MAGI2: variants seen among roughly 807,000 people sequenced by gnomAD.
MAGI2 encodes the protein membrane-associated guanylate kinase, WW and PDZ domain-containing protein 2.
Under a neutral mutation model 133.3 loss-of-function variants are expected in MAGI2, and 35 were observed. That is an observed-to-expected ratio of 0.26 (90% CI 0.20 to 0.35). The LOEUF is 0.35. MAGI2 is among the 10% of genes least tolerant of loss of function. MAGI2 has a pLI of 1.00. For synonymous variants in MAGI2, 729 were observed against 710.6 expected (o/e 1.03, Z -0.41); for missense variants, 1,636 against 1,863.4 (o/e 0.88, Z 2.25).
At chr7:79,223,868 T>C (rs947267848) in intron 1 of MAGI2, among the ~76,000 whole-genome samples, 8 of 152,126 alleles carry the variant, frequency 5.3e-5, no homozygotes, top group Non-Finnish European at 2.9e-5. Context: ...AAGTGAGTTA[T>C]TATTGGGCAT....
At chr7:78,430,777 T>C (rs1799718018) in intron 6 of MAGI2, among the ~76,000 whole-genome samples, 1 of 152,104 alleles carries the variant, frequency 6.6e-6, no homozygotes, top group Non-Finnish European at 1.5e-5. Context: ...CTTGAAATCT[T>C]TAGGCCTTCG....
At chr7:78,233,342 C>T (rs1790175959) in intron 10 of MAGI2, among the ~76,000 whole-genome samples, 1 of 151,944 alleles carries the variant, frequency 6.6e-6, no homozygotes, top group Non-Finnish European at 1.5e-5. Context: ...TATGAGCGTC[C>T]CGGAAGCCAC....
intron 1 of MAGI2, among the ~76,000 whole-genome samples, chr7:79,146,342 T>C (rs900034121): frequency 6.6e-6 from 1 of 152,182 alleles, no homozygotes; most frequent in Non-Finnish European, 1.5e-5. Context: ...CGAGTTCATG[T>C]GTTGAAATTC....
chr7:78,568,659 G>A (rs1249127605), intron 3 of MAGI2, among the ~76,000 whole-genome samples: 3 of 152,088 alleles, frequency 2.0e-5, no homozygotes, highest in African/African-American at 4.8e-5. Flanking sequence ...CTGCTTCCTC[G>A]CCAGTCTCTC....
intron 2 of MAGI2, among the ~76,000 whole-genome samples, chr7:78,705,773 G>A (rs994020151): frequency 6.6e-6 from 1 of 152,060 alleles, no homozygotes; most frequent in Non-Finnish European, 1.5e-5. Context: ...CTGGATTAAC[G>A]TCCTTTTGAC....
intron 1 of MAGI2, among the ~76,000 whole-genome samples, chr7:79,084,591 C>T (rs1307628224): frequency 6.6e-6 from 1 of 151,648 alleles, no homozygotes; most frequent in Non-Finnish European, 1.5e-5. Flanking sequence ...GTTCCATGTG[C>T]CCTGCAAAGA....
chr7:78,070,218 T>TATATAC (rs1453553515), intron 21 of MAGI2, among the ~76,000 whole-genome samples: 19 of 52,282 alleles, frequency 3.6e-4, no homozygotes, highest in African/African-American at 7.9e-4. Context: ...TATATATATA[T>TATATAC]ACACACACAC....
At chr7:78,917,438 T>A (rs769639102) in intron 2 of MAGI2, among the ~76,000 whole-genome samples, 1 of 152,042 alleles carries the variant, frequency 6.6e-6, no homozygotes, top group African/African-American at 2.4e-5. Context: ...TGGATAGGAC[T>A]GTGAAGAGGA....
intron 20 of MAGI2, among the ~76,000 whole-genome samples, chr7:78,122,102 G>A (rs1563148781): frequency 6.6e-6 from 1 of 152,178 alleles, no homozygotes; most frequent in Non-Finnish European, 1.5e-5. Context: ...AATGTCAAGT[G>A]CTTTATTTAG....
At chr7:78,879,118 T>A (rs1473032321) in intron 2 of MAGI2, among the ~76,000 whole-genome samples, 2 of 152,150 alleles carry the variant, frequency 1.3e-5, no homozygotes, top group African/African-American at 2.4e-5. Flanking sequence ...CCTATCTCCA[T>A]GCATAGGCCC....
intron 2 of MAGI2, among the ~76,000 whole-genome samples, chr7:78,761,857 A>G (rs1474783719): frequency 1.3e-5 from 2 of 152,040 alleles, no homozygotes; most frequent in Admixed American, 6.6e-5. Context: ...TGCACAGAAC[A>G]GTGAAGCTCC....
rs545799556 is a variant in MAGI2 at position 79,316,470 on chromosome 7, T to C, written c.301+136550A>G. On this transcript the variant is annotated intron_variant, in intron 1 of 21. Transcript: ENST00000354212. ...ATACACACACATATATGTGCACATG[T>C]ATATGTATACATATGTATATATTCA... 3.9e-5 allele frequency among the ~76,000 whole-genome samples: 6 copies of C among 152,342 alleles called. No homozygotes were observed. In the South Asian group the frequency reaches 1.0e-3, roughly 26 times the overall value.
At chr7:78,911,810 C>G (rs1395611220) in intron 2 of MAGI2, among the ~76,000 whole-genome samples, 1 of 151,906 alleles carries the variant, frequency 6.6e-6, no homozygotes, top group Non-Finnish European at 1.5e-5. Context: ...AGGTATTAAG[C>G]CCAGTACCCA....
rs28624604 is a variant in MAGI2, at chr7:78,417,466, C to T, written c.1046-48253G>A. ...ACCAAAAGTTTATCAATCACTCCCT[C>T]GTTAGTGCCACATCTACAATCTTTT... On this transcript the variant is annotated intron_variant, in intron 6 of 21. Coordinates refer to ENST00000354212, the MANE Select transcript of MAGI2 (RefSeq NM_012301.4). 4.4e-3 allele frequency among the ~76,000 whole-genome samples: 669 copies of T among 152,172 alleles called. 6 individuals carry two copies. Among genetic ancestry groups the T allele is most frequent in the African/African-American group, 0.015 (618 of 41,548 alleles).
intron 1 of MAGI2, among the ~76,000 whole-genome samples, chr7:79,024,530 AC>A (rs1809674427): frequency 6.6e-6 from 1 of 152,004 alleles, no homozygotes; most frequent in Non-Finnish European, 1.5e-5. Context: ...ACAAAACAAA[AC>A]AAAACAAAAC....
chr7:79,291,900 A>C (rs1486972584), intron 1 of MAGI2, among the ~76,000 whole-genome samples: 1 of 151,868 alleles, frequency 6.6e-6, no homozygotes, highest in Non-Finnish European at 1.5e-5. Flanking sequence ...CTATAAAGCA[A>C]TTTTTTTTAA....
intron 6 of MAGI2, among the ~76,000 whole-genome samples, chr7:78,404,795 C>T (rs1274790494): frequency 6.6e-6 from 1 of 152,048 alleles, no homozygotes; most frequent in African/African-American, 2.4e-5. Context: ...AAAGCAATGG[C>T]AACAAAAACC....
intron 2 of MAGI2, among the ~76,000 whole-genome samples, chr7:78,901,882 T>C (rs1189206726): frequency 1.3e-5 from 2 of 152,170 alleles, no homozygotes; most frequent in African/African-American, 4.8e-5. Flanking sequence ...TTGCTAGTTT[T>C]CTATTTTCTC....
At chr7:78,385,878 T>C (rs1375846428) in intron 6 of MAGI2, among the ~76,000 whole-genome samples, 1 of 152,198 alleles carries the variant, frequency 6.6e-6, no homozygotes, top group Non-Finnish European at 1.5e-5. Flanking sequence ...ACACACATTG[T>C]AGTGGGATCT....
Sources: allele counts gnomAD v4.1 joint callset (sites outside exome capture counted in the v4.1 genomes callset), GRCh38; gene constraint gnomAD v4.1.1; transcripts MANE v1.5; gene names NCBI Gene and HGNC (gene_info 2026-07-23, HGNC 2026-07-21).